The following MECOM variants were observed in gnomAD, a reference collection of about 807,000 sequenced individuals.
MECOM encodes histone-lysine N-methyltransferase MECOM.
Under a neutral mutation model 116.3 loss-of-function variants are expected in MECOM, and 13 were observed. That is an observed-to-expected ratio of 0.11 (90% confidence interval 0.07 to 0.18). The LOEUF is 0.18. Ranked by LOEUF, MECOM falls within the 10% of genes least tolerant of loss-of-function variation. The probability of loss-of-function intolerance (pLI) is 1.00; values close to 1 mark genes in which losing one functional copy is unlikely to be tolerated. For synonymous variants in MECOM, 528 were observed against 535.2 expected, an observed-to-expected ratio of 0.99 and a Z score of 0.19; for missense variants, 1,299 against 1,509.0, an observed-to-expected ratio of 0.86 and a Z score of 2.31.
At chr3:169,476,847 T>A (rs1750473699) in intron 1 of MECOM, 2 of 150,888 alleles carry the variant, frequency 1.3e-5, no homozygotes, top group Admixed American at 6.6e-5. Flanking sequence ...TTGTTGATGC[T>A]GTTCTTTTTT....
At chr3:169,191,730 AAGAAAGAAAGAGAAAGAAAGAAAG>A (rs1559973486) in intron 2 of MECOM, among the ~76,000 whole-genome samples, 1 of 65,330 alleles carries the variant, frequency 1.5e-5, no homozygotes, top group African/African-American at 4.8e-5. Flanking sequence ...AAAAGAAAGA[AAGAAAGAAAGAGAAAGAAAGAAAG>A]AAAGAAAGAA....
intron 2 of MECOM, among the ~76,000 whole-genome samples, chr3:169,300,694 T>C (rs1369407915): frequency 6.6e-6 from 1 of 152,206 alleles, no homozygotes; most frequent in Non-Finnish European, 1.5e-5. Context: ...CTTCTTGCTA[T>C]CTTTGTGCCC....
Position 169,084,879 on chromosome 3 carries a change from T to G in MECOM, c.*30A>C, listed in dbSNP as rs1212403673. 1 of 1,613,674 alleles carries G rather than the reference T, an allele frequency of 6.2e-7. No homozygotes were observed. The highest frequency in any genetic ancestry group is 8.5e-7 in the Non-Finnish European group (1 of 1,179,752). ...TGAAAGAGCCATGCTACTGTTGGAC[T>G]TGGTCCCACTCTGGTCAACCTTGAT... is the stretch of plus-strand genomic sequence containing the variant. On this transcript the variant is annotated 3_prime_UTR_variant, in exon 17 of 17. Transcript: ENST00000651503.
At chr3:169,334,247 T>G (rs570445174) in intron 2 of MECOM, among the ~76,000 whole-genome samples, 1 of 152,282 alleles carries the variant, frequency 6.6e-6, no homozygotes, top group Non-Finnish European at 1.5e-5. Context: ...CTGGAATCAA[T>G]TCTGCTGCTC....
At chr3:169,146,899 G>C in intron 2 of MECOM, 4 of 1,027,864 alleles carry the variant, frequency 3.9e-6, no homozygotes, top group Non-Finnish European at 4.7e-6. Flanking sequence ...AAAGCCTCGC[G>C]TCTCGATTTC....
At chr3:169,175,997 G>A (rs530509202) in intron 2 of MECOM, among the ~76,000 whole-genome samples, 12 of 152,048 alleles carry the variant, frequency 7.9e-5, no homozygotes, top group Admixed American at 4.6e-4. Flanking sequence ...AATATGGTTC[G>A]TTTTATTTCT....
chr3:169,434,607 T>C (rs1321401107), intron 1 of MECOM, among the ~76,000 whole-genome samples: 2 of 152,178 alleles, frequency 1.3e-5, no homozygotes, highest in Non-Finnish European at 2.9e-5. Context: ...ATAGCAAGTG[T>C]CTGTACATAA....
chr3:169,507,650 C>CTTTTTCTTTTTTTTTTTTTT (rs1755407286), intron 1 of MECOM, among the ~76,000 whole-genome samples: 3 of 57,152 alleles, frequency 5.2e-5, no homozygotes, highest in Non-Finnish European at 9.4e-5. Flanking sequence ...TCCCCACTTG[C>CTTTTTCTTTTTTTTTTTTTT]TTTTTTTTTT....
At chr3:169,529,732 C>T (rs1161935627) in intron 1 of MECOM, among the ~76,000 whole-genome samples, 1 of 152,200 alleles carries the variant, frequency 6.6e-6, no homozygotes, top group Non-Finnish European at 1.5e-5. Flanking sequence ...AACCTCACCC[C>T]TTAGAATAAA....
chr3:169,573,441 A>G (rs1440064833), intron 1 of MECOM, among the ~76,000 whole-genome samples: 1 of 152,204 alleles, frequency 6.6e-6, no homozygotes, highest in Non-Finnish European at 1.5e-5. Context: ...TGGGCTGGTC[A>G]TCATGTGAGG....
chr3:169,173,677 C>A (rs1744763779), intron 2 of MECOM, among the ~76,000 whole-genome samples: 1 of 152,138 alleles, frequency 6.6e-6, no homozygotes, highest in African/African-American at 2.4e-5. Flanking sequence ...TTTATAGCAC[C>A]CAGCTCCTTG....
intron 1 of MECOM, among the ~76,000 whole-genome samples, chr3:169,406,445 A>G (rs1736703084): frequency 6.6e-6 from 1 of 152,212 alleles, no homozygotes; most frequent in Non-Finnish European, 1.5e-5. Flanking sequence ...TGAAAGAGCC[A>G]CAAGTATAGC....
chr3:169,460,232 A>G (rs1222602815), intron 1 of MECOM, among the ~76,000 whole-genome samples: 1 of 152,220 alleles, frequency 6.6e-6, no homozygotes, highest in Non-Finnish European at 1.5e-5. Context: ...AGGAAAAAAA[A>G]GAATAGCTTT....
At chr3:169,121,863 A>C (rs1197098952) in intron 6 of MECOM, among the ~76,000 whole-genome samples, 1 of 151,896 alleles carries the variant, frequency 6.6e-6, no homozygotes, top group Non-Finnish European at 1.5e-5. Flanking sequence ...ACTACCCAGT[A>C]ACCTGGTGGG....
intron 1 of MECOM, among the ~76,000 whole-genome samples, chr3:169,462,807 T>C (rs1747675196): frequency 6.6e-6 from 1 of 152,198 alleles, no homozygotes; most frequent in South Asian, 2.1e-4. Context: ...GTCTATATTC[T>C]AGGATTTACA....
At chr3:169,614,963 C>T (rs1056103457) in intron 1 of MECOM, 1 of 152,242 alleles carries the variant, frequency 6.6e-6, no homozygotes, top group African/African-American at 2.4e-5. Context: ...GCAAGTTATC[C>T]AATCTGTCTT....
chr3:169,227,931 T>G (rs1752936912), intron 2 of MECOM, among the ~76,000 whole-genome samples: 1 of 152,132 alleles, frequency 6.6e-6, no homozygotes, highest in African/African-American at 2.4e-5. Flanking sequence ...TGGGAACCAT[T>G]GTTTTCTCAT....
intron 2 of MECOM, among the ~76,000 whole-genome samples, chr3:169,223,272 T>TC (rs1553772334): frequency 7.6e-5 from 2 of 26,402 alleles, no homozygotes; most frequent in African/African-American, 9.8e-5. Context: ...ATGCTATCCC[T>TC]CCCCCCTCCC....
At position 169,145,044 on chromosome 3, in the gene MECOM, G is replaced by A. The variant is rs762035650; in HGVS notation, c.376-1212C>T. 3.2e-6 allele frequency: 5 copies of A among 1,551,492 alleles called. No homozygotes were observed. In the African/African-American group the frequency reaches 4.1e-5, roughly 13 times the overall value. Reference sequence around the variant, plus strand: ...GTGCTCCAAGGGCTTTAGTCAAGAAGCCCTATGAATAAGCCTTTGGCCATG... The same window carrying A: ...GTGCTCCAAGGGCTTTAGTCAAGAAACCCTATGAATAAGCCTTTGGCCATG... On this transcript the variant is annotated intron_variant, in intron 2 of 16. Transcript: ENST00000651503.
Sources: gnomAD v4.1 joint callset for allele counts (sites outside exome capture counted in the v4.1 genomes callset) on GRCh38, gnomAD v4.1.1 for gene constraint, MANE v1.5 for transcripts, NCBI Gene and HGNC (gene_info 2026-07-23, HGNC 2026-07-21) for gene names.